Variants in TERB1 observed in about 807,000 individuals in gnomAD.
TERB1 encodes the protein telomere repeats-binding bouquet formation protein 1.
In TERB1, 63 loss-of-function variants were observed where a neutral mutation model predicts 92.3. That is an observed-to-expected ratio of 0.68 (90% CI 0.56 to 0.84). The LOEUF is 0.84. TERB1 is among the 40% of genes least tolerant of loss of function. TERB1 has a pLI of 0.00. For synonymous variants in TERB1, 252 were observed against 283.9 expected (o/e 0.89, Z 1.13); for missense variants, 709 against 843.7 (o/e 0.84, Z 1.98).
intron 5 of TERB1, among the ~76,000 whole-genome samples, chr16:66,789,937 C>A (rs923295517): frequency 2.0e-5 from 3 of 152,062 alleles, no homozygotes; most frequent in African/African-American, 7.2e-5. Flanking sequence ...TCTCAAACTC[C>A]TGAGGTCAAG....
intron 12 of TERB1, among the ~76,000 whole-genome samples, chr16:66,774,272 G>C (rs145178144): frequency 0.035 from 5,019 of 142,286 alleles, 265 homozygotes; most frequent in African/African-American, 0.12. Flanking sequence ...TGCAAGCTCT[G>C]CCTCCCGGGT....
At position 66,767,409 on chromosome 16, in the gene TERB1, A is replaced by T. The variant is rs1462404745; in HGVS notation, c.1780+6T>A. ...GTGAAACAACTGCAATTAAAAAAAT[A>T]CTTACCTGAGCACCTATACGTCAAC... On this transcript the variant is annotated splice_donor_region_variant and intron_variant, in intron 16 of 18. Coordinates refer to ENST00000433154, the MANE Select transcript of TERB1 (RefSeq NM_001136505.2). 2 of 1,480,388 alleles carry T rather than the reference A, an allele frequency of 1.4e-6. No homozygotes were observed. Among genetic ancestry groups the T allele is most frequent in the Non-Finnish European group, 1.8e-6 (2 of 1,103,364 alleles). The allele number at this position is 1,480,388 out of a possible 1,614,324, so 91.7% of individuals were successfully genotyped here.
At chr16:66,786,873 T>C (rs1021140455) in intron 6 of TERB1, among the ~76,000 whole-genome samples, 3 of 152,218 alleles carry the variant, frequency 2.0e-5, no homozygotes, top group Admixed American at 2.0e-4. Flanking sequence ...GAGGCTGCCC[T>C]ACCCCCACCC....
At chr16:66,794,187 C>T (rs966805356) in intron 3 of TERB1, among the ~76,000 whole-genome samples, 4 of 152,050 alleles carry the variant, frequency 2.6e-5, no homozygotes, top group African/African-American at 7.2e-5. Flanking sequence ...GTAGCCTCAA[C>T]CTCCTGGGCT....
Position 66,791,030 on chromosome 16 carries a change from A to C in TERB1, c.32-11T>G. 7.1e-7 allele frequency: 1 copy of C among 1,418,198 alleles called. No individual in the cohort carries two copies. Among genetic ancestry groups the C allele is most frequent in the Non-Finnish European group, 9.6e-7 (1 of 1,043,094 alleles). The allele number at this position is 1,418,198 out of a possible 1,614,324, so 87.9% of individuals were successfully genotyped here. A position where few individuals can be genotyped will look rare whatever the true frequency, so the allele number is the denominator to read the frequency against. ...GGTCAGTCTTCATTTCTAAAGAACA[A>C]AAATGTCATTATTTTAAACCAAAAG... On this transcript the variant is annotated splice_polypyrimidine_tract_variant and intron_variant, in intron 3 of 18. Coordinates refer to ENST00000433154, the MANE Select transcript of TERB1 (RefSeq NM_001136505.2).
chr16:66,782,302 C>T (rs2018650420), intron 9 of TERB1, among the ~76,000 whole-genome samples: 1 of 152,136 alleles, frequency 6.6e-6, no homozygotes, highest in African/African-American at 2.4e-5. Flanking sequence ...GTAATCCCAG[C>T]ACTTTGGGAG....
At chr16:66,800,309 T>C (rs1277415163) in intron 2 of TERB1, 2 of 150,478 alleles carry the variant, frequency 1.3e-5, no homozygotes, top group African/African-American at 4.9e-5. Flanking sequence ...GAGGTTGCAG[T>C]GAGCCAAGAC....
intron 16 of TERB1, among the ~76,000 whole-genome samples, chr16:66,760,577 G>A (rs1458506142): frequency 7.7e-6 from 1 of 130,194 alleles, no homozygotes; most frequent in African/African-American, 3.0e-5. Context: ...CACAAGGTCA[G>A]GAGTTCGAGA....
In TERB1 at chr16:66,769,638, G is replaced by A. The variant is rs564625369; in HGVS notation, c.1619+325C>T. Among the ~76,000 whole-genome samples the A allele has an allele frequency of 7.3e-4, 111 of 152,292 alleles. 2 individuals carry two copies. Among genetic ancestry groups the A allele is most frequent in the African/African-American group, 2.6e-3 (107 of 41,560 alleles). Reference sequence around the variant, plus strand: ...TGCACGCATTGTTACTTCAAGTAAAGGGTTTCCGTTTAGGTTTTATTTTCT... The same window carrying A: ...TGCACGCATTGTTACTTCAAGTAAAAGGTTTCCGTTTAGGTTTTATTTTCT... On this transcript the variant is annotated intron_variant, in intron 14 of 18. Transcript: ENST00000433154.
rs1248976765 is a variant in TERB1 at position 66,795,889 on chromosome 16, C to A, written c.31+879G>T. Among the ~76,000 whole-genome samples the A allele has an allele frequency of 6.6e-5, 10 of 152,276 alleles. No individual in the cohort carries two copies. The South Asian group carries it at 2.1e-3, about 32-fold the overall frequency. On this transcript the variant is annotated intron_variant, in intron 3 of 18. Coordinates refer to ENST00000433154, the MANE Select transcript of TERB1 (RefSeq NM_001136505.2). ...TCAGCCTCCCAAGTAGCTGGTACTA[C>A]AGGTGTGTACCACCACGCCCAGTTA...
Position 66,754,700 on chromosome 16 carries a change from CTG to C in TERB1, c.*274_*275del, listed in dbSNP as rs2018107070. 1 of 359,866 alleles carries C rather than the reference CTG, an allele frequency of 2.8e-6. No homozygotes were observed. The highest frequency in any genetic ancestry group is 5.0e-6 in the Non-Finnish European group (1 of 201,654). 22.3% of individuals were successfully genotyped at this position (359,866 alleles called of 1,614,324 possible). On this transcript the variant is annotated 3_prime_UTR_variant, in exon 19 of 19. Transcript: ENST00000433154. Reference sequence around the variant, plus strand: ...AACATTTAAAGGCTAATTCTTTTCTCTGTGTCCTTTAAGCTTAAGGAAAAATA... The same window carrying C: ...AACATTTAAAGGCTAATTCTTTTCTCTGTCCTTTAAGCTTAAGGAAAAATA...
In TERB1 at chr16:66,790,893, C is replaced by T. The variant is rs2018821904; in HGVS notation, c.142+16G>A. 6.7e-7 allele frequency: 1 copy of T among 1,497,142 alleles called. No homozygotes were observed. Among genetic ancestry groups the T allele is most frequent in the African/African-American group, 1.4e-5 (1 of 71,626 alleles). The allele number at this position is 1,497,142 out of a possible 1,614,324, so 92.7% of individuals were successfully genotyped here. A position where few individuals can be genotyped will look rare whatever the true frequency, so the allele number is the denominator to read the frequency against. On this transcript the variant is annotated intron_variant, in intron 4 of 18. Transcript: ENST00000433154. ...AGAACTAGAATCACAGATAAAAATT[C>T]ACTATTATATCTTACTGTTTTGTTG...
At chr16:66,759,350 A>G (rs2018191478) in intron 16 of TERB1, 60 bp from the exon 17 acceptor site, 8 of 1,297,112 alleles carry the variant, frequency 6.2e-6, no homozygotes, top group African/African-American at 4.5e-5. Context: ...TAACAAATCT[A>G]TGATAGCAAA....
chr16:66,768,734 TG>T (rs1368520291), intron 14 of TERB1, among the ~76,000 whole-genome samples: 1 of 152,210 alleles, frequency 6.6e-6, no homozygotes, highest in Non-Finnish European at 1.5e-5. Flanking sequence ...TACGTATATT[TG>T]TAGGAGCTAC....
intron 13 of TERB1, among the ~76,000 whole-genome samples, chr16:66,772,076 G>T (rs1277301072): frequency 6.6e-6 from 1 of 152,000 alleles, no homozygotes; most frequent in Non-Finnish European, 1.5e-5. Flanking sequence ...GTTGTTTTAT[G>T]TCAAAGCATG....
intron 14 of TERB1, among the ~76,000 whole-genome samples, chr16:66,768,992 C>G (rs932148623): frequency 2.0e-4 from 31 of 151,964 alleles, no homozygotes; most frequent in African/African-American, 6.8e-4. Flanking sequence ...GTAATCCCAG[C>G]TACTCGGGAG....
At chr16:66,768,755 GA>G (rs971076816) in intron 14 of TERB1, among the ~76,000 whole-genome samples, 2 of 151,964 alleles carry the variant, frequency 1.3e-5, no homozygotes, top group African/African-American at 4.8e-5. Flanking sequence ...CTACATAGGA[GA>G]AAAAAAGCAT....
intron 12 of TERB1, among the ~76,000 whole-genome samples, chr16:66,774,575 C>T (rs143709019): frequency 8.4e-4 from 128 of 152,256 alleles, no homozygotes; most frequent in African/African-American, 2.9e-3. Context: ...TAAATTTGTG[C>T]ACACGGCATA....
intron 2 of TERB1, among the ~76,000 whole-genome samples, chr16:66,797,104 T>C (rs1959200033): frequency 6.6e-6 from 1 of 152,232 alleles, no homozygotes; most frequent in African/African-American, 2.4e-5. Flanking sequence ...GATGTTACCA[T>C]AATTACATTG....
Sources: gnomAD v4.1 joint callset for allele counts (sites outside exome capture counted in the v4.1 genomes callset) on GRCh38, gnomAD v4.1.1 for gene constraint, MANE v1.5 for transcripts, NCBI Gene and HGNC (gene_info 2026-07-23, HGNC 2026-07-21) for gene names.